TYW1: variants seen among roughly 807,000 people sequenced by gnomAD.
The protein encoded by TYW1 is tRNA-yW synthesizing protein 1 homolog, also known as S-adenosyl-L-methionine-dependent tRNA 4-demethylwyosine synthase TYW1.
In TYW1, 46 loss-of-function variants were observed where a neutral mutation model predicts 96.2. The ratio of observed to expected loss-of-function variants is 0.48; its 90% CI spans 0.38 to 0.61. TYW1 has a LOEUF of 0.61. Ranked by LOEUF, TYW1 falls within the 20% of genes least tolerant of loss-of-function variation. The probability of loss-of-function intolerance (pLI) is 0.00; values close to 1 mark genes in which losing one functional copy is unlikely to be tolerated. For missense variants in TYW1, 684 were observed against 909.6 expected, an observed-to-expected ratio of 0.75 and a Z score of 3.19; for synonymous variants, 274 against 323.0, an observed-to-expected ratio of 0.85 and a Z score of 1.63.
rs190727570 is a variant in TYW1 at position 67,238,836 on chromosome 7, A to G, written c.*307A>G. 3 of 1,162,140 alleles carry G rather than the reference A, an allele frequency of 2.6e-6. No homozygotes were observed. The highest frequency in any genetic ancestry group is 3.2e-6 in the Non-Finnish European group (3 of 938,104). 72.0% of individuals were successfully genotyped at this position (1,162,140 alleles called of 1,614,324 possible). ...CTGATGGTTTTGTATTATAACTTGT[A>G]AGACCTGCCAGAATGCTAGTCCCGA... On this transcript the variant is annotated 3_prime_UTR_variant, in exon 16 of 16. Coordinates refer to ENST00000359626, the MANE Select transcript of TYW1 (RefSeq NM_018264.4).
intron 14 of TYW1, 128 bp downstream of exon 14, chr7:67,183,364 C>G: frequency 3.9e-6 from 3 of 774,586 alleles, no homozygotes; most frequent in Non-Finnish European, 6.2e-6. Context: ...GTATTCATTT[C>G]GTGATCGATA....
Position 67,117,390 on chromosome 7 carries a change from C to A in TYW1, c.1563-93C>A, listed in dbSNP as rs13222365. On this transcript the variant is annotated intron_variant, in intron 12 of 15. Coordinates refer to ENST00000359626, the MANE Select transcript of TYW1 (RefSeq NM_018264.4). ...CTCTAGACCCAGTGAAGTGTTTAAT[C>A]CCCATGTCTATTACAGATTGCAGGT... The A allele has an allele frequency of 3.5e-6, 5 of 1,426,454 alleles. No homozygotes were observed. In the African/African-American group the frequency reaches 4.4e-5, roughly 12 times the overall value. The allele number at this position is 1,426,454 out of a possible 1,614,324, so 88.4% of individuals were successfully genotyped here.
At chr7:67,029,382 CGTGTGTGTGTGTGT>C (rs67162571) in intron 7 of TYW1, among the ~76,000 whole-genome samples, 110 of 106,530 alleles carry the variant, frequency 1.0e-3, no homozygotes, top group Middle Eastern at 0.011. Context: ...TGTGTGTGTG[CGTGTGTGTGTGTGT>C]GTGTGTGTGT....
At chr7:67,128,253 C>CT (rs1348181971) in intron 13 of TYW1, among the ~76,000 whole-genome samples, 4 of 152,012 alleles carry the variant, frequency 2.6e-5, no homozygotes, top group African/African-American at 7.2e-5. Flanking sequence ...TTTCATTTTG[C>CT]TTTTCAGTTT....
At chr7:67,011,934 G>A (rs1460443779) in intron 4 of TYW1, among the ~76,000 whole-genome samples, 1 of 151,948 alleles carries the variant, frequency 6.6e-6, no homozygotes, top group Non-Finnish European at 1.5e-5. Flanking sequence ...CACGTGAAGG[G>A]CCAGGTAGTA....
rs756285468 is a variant in TYW1 at position 67,195,317 on chromosome 7, C to T, written c.1957C>T (p.Leu653Phe). Residue 653 changes from leucine (L) to phenylalanine (F), a missense_variant, in exon 15 of 16, where the codon CTC becomes TTC. Leu to Phe is a conservative substitution (Grantham distance 22). Transcript: ENST00000359626. ...ATGTGAACACGAACACTCTAATTGCCTCCTGATAGCACACAGAAAGGTAAG... is the reference window on the plus strand; with the variant it reads ...ATGTGAACACGAACACTCTAATTGCTTCCTGATAGCACACAGAAAGGTAAG... ...IACEHEHSNC[L>F]LIAHRKFKIG... The T allele has an allele frequency of 6.2e-7, 1 of 1,613,460 alleles. No homozygotes were observed. The highest frequency in any genetic ancestry group is 2.2e-5 in the East Asian group (1 of 44,872).
At chr7:67,113,626 T>C (rs113552816) in intron 12 of TYW1, among the ~76,000 whole-genome samples, 1 of 151,066 alleles carries the variant, frequency 6.6e-6, no homozygotes, top group Non-Finnish European at 1.5e-5. Context: ...TCTTTCTTTC[T>C]TTCTTTTTCT....
intron 13 of TYW1, among the ~76,000 whole-genome samples, chr7:67,167,408 G>A (rs145171093): frequency 0.035 from 4,914 of 141,862 alleles, 248 homozygotes; most frequent in African/African-American, 0.12. Flanking sequence ...GGCAGAGGTT[G>A]CAGTGAGCCG....
chr7:67,002,563 G>A (rs1793438527), intron 3 of TYW1, among the ~76,000 whole-genome samples: 1 of 152,040 alleles, frequency 6.6e-6, no homozygotes, highest in South Asian at 2.1e-4. Context: ...GAAGATTTTC[G>A]GATCATTTCT....
chr7:67,193,016 G>A (rs1434194140), intron 14 of TYW1, among the ~76,000 whole-genome samples: 1 of 152,132 alleles, frequency 6.6e-6, no homozygotes, highest in Non-Finnish European at 1.5e-5. Flanking sequence ...GTGGAAATTC[G>A]GGCTGTGATG....
chr7:67,081,938 G>A (rs557668244), intron 10 of TYW1, among the ~76,000 whole-genome samples: 3 of 146,954 alleles, frequency 2.0e-5, no homozygotes, highest in South Asian at 4.5e-4. Flanking sequence ...TTCATTCATC[G>A]AATTCCTCAC....
chr7:67,079,488 TC>T, intron 10 of TYW1, among the ~76,000 whole-genome samples: 1 of 137,134 alleles, frequency 7.3e-6, no homozygotes, highest in Non-Finnish European at 1.6e-5. Flanking sequence ...TTTATTTGGA[TC>T]TTTTTTTTTT....
At chr7:67,067,523 C>G (rs1014629911) in intron 10 of TYW1, 120 bp downstream of exon 10, 1 of 1,184,284 alleles carries the variant, frequency 8.4e-7, no homozygotes, top group African/African-American at 1.5e-5. Context: ...ATCTTTTCAA[C>G]TGTGAATGTT....
chr7:67,195,174 T>C lies in TYW1; in HGVS notation c.1814T>C (p.Val605Ala). 6.2e-7 allele frequency: 1 copy of C among 1,613,952 alleles called. No homozygotes were observed. The highest frequency in any genetic ancestry group is 2.2e-5 in the East Asian group (1 of 44,874). ...ATGGTTATACTGTTTCCACAGGGCG[T>C]TACCTACTGCGGAGAAAGTTCAGCA... is the stretch of plus-strand genomic sequence containing the variant. ...GNPDFIEVKG[V>A]TYCGESSASS... The change falls in exon 15 of 16, where the codon GTT (valine) becomes GCT (alanine). Residue 605 changes from valine (V) to alanine (A), a missense_variant. Transcript: ENST00000359626.
At chr7:67,143,868 G>A (rs7793589) in intron 13 of TYW1, among the ~76,000 whole-genome samples, 2 of 151,884 alleles carry the variant, frequency 1.3e-5, no homozygotes, top group African/African-American at 4.8e-5. Context: ...CTGAGAAAGC[G>A]TTTTTTGGTG....
intron 14 of TYW1, among the ~76,000 whole-genome samples, chr7:67,185,048 A>C (rs1214085034): frequency 6.6e-6 from 1 of 152,112 alleles, no homozygotes; most frequent in Non-Finnish European, 1.5e-5. Context: ...AATGGTAAGC[A>C]GAAACCTGGG....
intron 14 of TYW1, among the ~76,000 whole-genome samples, chr7:67,191,945 G>T (rs190470107): frequency 2.0e-5 from 3 of 151,376 alleles, no homozygotes; most frequent in African/African-American, 7.3e-5. Context: ...GCCCAGGCTG[G>T]AGTGGAGAGG....
At chr7:67,183,066 C>G in intron 13 of TYW1, 60 bp from the exon 14 acceptor site, 1 of 1,456,828 alleles carries the variant, frequency 6.9e-7, no homozygotes, top group Non-Finnish European at 9.2e-7. Context: ...GAGAAACCCT[C>G]TAGGTTAAGA....
At chr7:67,110,502 A>G (rs1797369778) in intron 12 of TYW1, among the ~76,000 whole-genome samples, 1 of 152,228 alleles carries the variant, frequency 6.6e-6, no homozygotes, top group South Asian at 2.1e-4. Context: ...TGAGCTGACC[A>G]CTAAGCTAAC....
Sources: allele counts gnomAD v4.1 joint callset (sites outside exome capture counted in the v4.1 genomes callset), GRCh38; gene constraint gnomAD v4.1.1; transcripts MANE v1.5; gene names NCBI Gene and HGNC (gene_info 2026-07-23, HGNC 2026-07-21).